The following CYTH4 variants were observed in gnomAD, a reference collection of about 807,000 sequenced individuals.
CYTH4 encodes the protein cytohesin 4, also known as cytohesin-4.
In CYTH4, 22 loss-of-function variants were observed where a neutral mutation model predicts 57.5. The observed-to-expected ratio is 0.38, with a 90% CI of 0.27 to 0.55. The LOEUF (loss-of-function observed/expected upper bound fraction) is 0.55, where lower values mean the gene tolerates loss of function less well. CYTH4 is among the 20% of genes least tolerant of loss of function. CYTH4 has a pLI of 0.74. For missense variants in CYTH4, 420 were observed against 535.6 expected (o/e 0.78, Z 2.13); for synonymous variants, 186 against 206.5 (o/e 0.90, Z 0.85).
In CYTH4 at chr22:37,303,522, A is replaced by T. The variant is rs959664891; in HGVS notation, c.696+120A>T. 1.3e-5 allele frequency: 17 copies of T among 1,345,876 alleles called. No individual in the cohort carries two copies. In the Admixed American group the frequency reaches 3.2e-4, roughly 26 times the overall value. The allele number at this position is 1,345,876 out of a possible 1,614,324, so 83.4% of individuals were successfully genotyped here. On this transcript the variant is annotated intron_variant, in intron 8 of 12. Coordinates refer to ENST00000248901, the MANE Select transcript of CYTH4 (RefSeq NM_013385.5). ...ACAGCCCCCAGTGGGGACTCTGCTG[A>T]TATGGCCCACCCAGGCTGTGACTGT...
intron 8 of CYTH4, among the ~76,000 whole-genome samples, chr22:37,308,305 G>A (rs957362593): frequency 5.3e-5 from 8 of 152,228 alleles, no homozygotes; most frequent in Non-Finnish European, 1.0e-4. Flanking sequence ...AAGAGAATAC[G>A]TGTGTTTGTG....
chr22:37,286,394 G>A (rs554455389), intron 1 of CYTH4, among the ~76,000 whole-genome samples: 7 of 152,262 alleles, frequency 4.6e-5, no homozygotes, highest in Admixed American at 1.3e-4. Context: ...CTTTCCTTTC[G>A]GAGTGGTTGT....
Position 37,310,974 on chromosome 22 carries a change from T to C in CYTH4, c.809-14T>C. 1.2e-6 allele frequency: 2 copies of C among 1,613,990 alleles called. No homozygotes were observed. The highest frequency in any genetic ancestry group is 1.7e-6 in the Non-Finnish European group (2 of 1,179,890). On this transcript the variant is annotated splice_polypyrimidine_tract_variant and intron_variant, in intron 9 of 12. Coordinates refer to ENST00000248901, the MANE Select transcript of CYTH4 (RefSeq NM_013385.5). ...GAGGAGGACTGACCAGCTTGCTACA[T>C]TGGCCTTGCGCAGGGGGCCGCGTGA...
intron 9 of CYTH4, 24 bp downstream of exon 9, chr22:37,309,347 C>T (rs747981080): frequency 1.3e-5 from 20 of 1,594,814 alleles, no homozygotes; most frequent in Admixed American, 6.7e-5. Flanking sequence ...AGACACACGT[C>T]GTCGCACACA....
chr22:37,312,560 C>T lies in CYTH4; in HGVS notation c.1112+386C>T, dbSNP rs183724027. Among the ~76,000 whole-genome samples the T allele has an allele frequency of 1.9e-3, 287 of 152,290 alleles. 4 individuals are homozygous for T. Among genetic ancestry groups the T allele is most frequent in the Non-Finnish European group, 4.7e-4 (32 of 68,024 alleles). On this transcript the variant is annotated intron_variant, in intron 12 of 12. Transcript: ENST00000248901. ...AGATAAACTTCCAGGTAAAAGGACCCGGACCCATGTGGGCAACCAGCAGGC... is the reference window on the plus strand; with the variant it reads ...AGATAAACTTCCAGGTAAAAGGACCTGGACCCATGTGGGCAACCAGCAGGC...
At chr22:37,292,822 A>G (rs1928799649) in intron 2 of CYTH4, 119 bp downstream of exon 2, 2 of 966,978 alleles carry the variant, frequency 2.1e-6, no homozygotes, top group African/African-American at 3.2e-5. Context: ...TCTGGCTCAT[A>G]TCAGCCTCGG....
chr22:37,294,718 A>T lies in CYTH4; in HGVS notation c.161A>T (p.Glu54Val), dbSNP rs745997961. Residue 54 changes from glutamate (E) to valine (V), a missense_variant, in exon 3 of 13, where the codon GAG becomes GTG. Coordinates refer to ENST00000248901, the MANE Select transcript of CYTH4 (RefSeq NM_013385.5). Reference protein sequence around the residue: ...FAQIDCFESAEESRMAQKEKE... With the variant: ...FAQIDCFESAVESRMAQKEKE... ...CAAATCGACTGCTTCGAGAGTGCGG[A>T]GGAGAGGTGAGGGGCTTGGGTGGGG... The T allele has an allele frequency of 6.2e-7, 1 of 1,613,712 alleles. No individual in the cohort carries two copies. The highest frequency in any genetic ancestry group is 8.5e-7 in the Non-Finnish European group (1 of 1,179,758).
chr22:37,305,279 C>T (rs2145867070), intron 8 of CYTH4, among the ~76,000 whole-genome samples: 1 of 152,310 alleles, frequency 6.6e-6, no homozygotes, highest in African/African-American at 2.4e-5. Flanking sequence ...TTGTAAGTTT[C>T]TTCTCACCAG....
At position 37,311,333 on chromosome 22, in the gene CYTH4, T is replaced by C; in HGVS notation, c.886-123T>C. ...CTTCTAACTTCCGTCCCCCTATGAC[T>C]GGACAGTCTCGGAAGATGAGCACGC... is the stretch of plus-strand genomic sequence containing the variant. On this transcript the variant is annotated intron_variant, in intron 10 of 12. Transcript: ENST00000248901. This position sits in a 1 kb window ranked among gnomAD's most constrained non-coding sequence, Gnocchi z 4.4. 2.2e-6 allele frequency: 2 copies of C among 896,182 alleles called. No individual in the cohort carries two copies. The highest frequency in any genetic ancestry group is 1.5e-5 in the South Asian group (1 of 68,954). The allele number at this position is 896,182 out of a possible 1,614,324, so 55.5% of individuals were successfully genotyped here. A position where few individuals can be genotyped will look rare whatever the true frequency, so the allele number is the denominator to read the frequency against.
At chr22:37,313,337 G>C in intron 12 of CYTH4, 102 bp from the exon 13 acceptor site, 1 of 1,213,658 alleles carries the variant, frequency 8.2e-7, no homozygotes, top group East Asian at 2.3e-5. Flanking sequence ...AGAGCAGGCT[G>C]ACACCTCCCT....
chr22:37,297,621 C>T lies in CYTH4; in HGVS notation c.292C>T (p.Arg98Trp), dbSNP rs764138172. Reference protein sequence around the residue: ...LLTPDVQDIARFLYKGEGLNK... With the variant: ...LLTPDVQDIAWFLYKGEGLNK... Reference sequence around the variant, plus strand: ...GACCCCTGACGTCCAGGACATTGCACGGTTCCTGTATAAAGGCGAGGGCCT... The same window carrying T: ...GACCCCTGACGTCCAGGACATTGCATGGTTCCTGTATAAAGGCGAGGGCCT... Residue 98 changes from arginine to tryptophan, a missense_variant, in exon 5 of 13, where the codon CGG becomes TGG. By Grantham distance (101) the Arg-to-Trp change is moderately radical. Coordinates refer to ENST00000248901, the MANE Select transcript of CYTH4 (RefSeq NM_013385.5). 2 of 1,613,952 alleles carry T rather than the reference C, an allele frequency of 1.2e-6. No homozygotes were observed. The highest frequency in any genetic ancestry group is 1.7e-6 in the Non-Finnish European group (2 of 1,179,894).
chr22:37,313,962 C>G lies in CYTH4; in HGVS notation c.*451C>G, dbSNP rs1929751453. 1 of 245,856 alleles carries G rather than the reference C, an allele frequency of 4.1e-6. No individual in the cohort carries two copies. The highest frequency in any genetic ancestry group is 5.0e-5 in the Admixed American group (1 of 20,170). 15.2% of individuals were successfully genotyped at this position (245,856 alleles called of 1,614,324 possible). On this transcript the variant is annotated 3_prime_UTR_variant, in exon 13 of 13. Transcript: ENST00000248901. ...AGGCTCTTCCTTTTCAGGGATATCT[C>G]TGCCAACCCCTCCCCTGTCCTCGGG...
At chr22:37,304,209 G>A in intron 8 of CYTH4, 1 of 456,718 alleles carries the variant, frequency 2.2e-6, no homozygotes, top group Non-Finnish European at 4.4e-6. Flanking sequence ...AGCCGGGAAA[G>A]GACATTTCAA....
intron 2 of CYTH4, 77 bp from the exon 3 acceptor site, chr22:37,294,583 G>C: frequency 6.6e-7 from 1 of 1,525,472 alleles, no homozygotes; most frequent in Non-Finnish European, 9.0e-7. Flanking sequence ...GGGTAGGAGT[G>C]GTCCTTGTGG....
In CYTH4 at chr22:37,295,031, G is replaced by A. The variant is rs553320365; in HGVS notation, c.167+307G>A. Among the ~76,000 whole-genome samples the A allele has an allele frequency of 3.7e-4, 56 of 152,070 alleles. No homozygotes were observed. Among genetic ancestry groups the A allele is most frequent in the South Asian group, 8.3e-4 (4 of 4,812 alleles). On this transcript the variant is annotated intron_variant, in intron 3 of 12. Transcript: ENST00000248901. The surrounding 1 kb of genome is among the most constrained non-coding windows in gnomAD (Gnocchi z 4.1). ...CACTGGCCACATCCACCCTGGGATGGGCGGGGAGAAGGGAAGCTCAGCCCC... is the reference window on the plus strand; with the variant it reads ...CACTGGCCACATCCACCCTGGGATGAGCGGGGAGAAGGGAAGCTCAGCCCC...
Position 37,311,074 on chromosome 22 carries a change from G to T in CYTH4, c.885+10G>T, listed in dbSNP as rs1929622891. On this transcript the variant is annotated intron_variant, in intron 10 of 12. Transcript: ENST00000248901. The surrounding 1 kb of genome is among the most constrained non-coding windows in gnomAD (Gnocchi z 4.4). ...CTTCGAGTTCACCACTGTGAGCAGGGTTCTCCTGGGCCTTCCCCTGCCCCC... is the reference window on the plus strand; with the variant it reads ...CTTCGAGTTCACCACTGTGAGCAGGTTTCTCCTGGGCCTTCCCCTGCCCCC... 7 of 1,613,984 alleles carry T rather than the reference G, an allele frequency of 4.3e-6. No individual in the cohort carries two copies. Among genetic ancestry groups the T allele is most frequent in the Non-Finnish European group, 5.9e-6 (7 of 1,179,892 alleles).
Position 37,314,692 on chromosome 22 carries a change from T to C in CYTH4, c.*1181T>C. On this transcript the variant is annotated 3_prime_UTR_variant, in exon 13 of 13. Transcript: ENST00000248901. ...AGCCAGCTCTGTCTCCAGGGAGGCCTGGCCTGGAGGAGGAGTCCACTAACA... is the reference window on the plus strand; with the variant it reads ...AGCCAGCTCTGTCTCCAGGGAGGCCCGGCCTGGAGGAGGAGTCCACTAACA... 2.9e-6 allele frequency: 1 copy of C among 347,146 alleles called. No homozygotes were observed. Among genetic ancestry groups the C allele is most frequent in the Non-Finnish European group, 5.2e-6 (1 of 194,084 alleles). The allele number at this position is 347,146 out of a possible 1,614,324, so 21.5% of individuals were successfully genotyped here.
intron 1 of CYTH4, among the ~76,000 whole-genome samples, chr22:37,285,948 TG>T (rs1928542320): frequency 6.6e-6 from 1 of 152,050 alleles, no homozygotes. Flanking sequence ...GACAGGGGAC[TG>T]AGGATTCACG....
At chr22:37,310,575 G>T (rs575270913) in intron 9 of CYTH4, among the ~76,000 whole-genome samples, 4 of 152,230 alleles carry the variant, frequency 2.6e-5, no homozygotes, top group Non-Finnish European at 5.9e-5. Context: ...TTCATACGTG[G>T]TTGTGAGGAT....
Sources: allele counts gnomAD v4.1 joint callset (sites outside exome capture counted in the v4.1 genomes callset), GRCh38; gene constraint gnomAD v4.1.1; non-coding constraint Gnocchi (gnomAD v3.1); transcripts MANE v1.5; gene names NCBI Gene and HGNC (gene_info 2026-07-23, HGNC 2026-07-21).